TVP23C: variants seen among roughly 807,000 people sequenced by gnomAD.
TVP23C encodes trans-golgi network vesicle protein 23 homolog C.
TVP23C carries 19 observed loss-of-function variants against 28.7 expected under a neutral mutation model. That is an observed-to-expected ratio of 0.66 (90% confidence interval 0.46 to 0.97). TVP23C has a LOEUF of 0.97. TVP23C is among the 50% of genes least tolerant of loss of function. The probability of loss-of-function intolerance (pLI) is 0.00; values close to 1 mark genes in which losing one functional copy is unlikely to be tolerated. For synonymous variants in TVP23C, 68 were observed against 81.7 expected, an observed-to-expected ratio of 0.83 and a Z score of 0.90; for missense variants, 186 against 241.3, an observed-to-expected ratio of 0.77 and a Z score of 1.52.
At chr17:15,520,345 GACATGGTTTCAGATC>G in intron 5 of TVP23C, among the ~76,000 whole-genome samples, 1 of 148,550 alleles carries the variant, frequency 6.7e-6, no homozygotes, top group East Asian at 1.9e-4. Context: ...TTTTCCAGAT[GACATGGTTTCAGATC>G]ACCTAACGTC....
intron 5 of TVP23C, among the ~76,000 whole-genome samples, chr17:15,504,068 C>T (rs1981613560): frequency 6.6e-6 from 1 of 152,172 alleles, no homozygotes; most frequent in African/African-American, 2.4e-5. Flanking sequence ...CAGCCCTATC[C>T]CCACATTTTC....
exon 6 of TVP23C, chr17:15,502,819 TC>T: frequency 6.6e-7 from 1 of 1,515,462 alleles, no homozygotes; most frequent in East Asian, 2.3e-5. Flanking sequence ...CCTCTCTCTC[TC>T]TCTCTCTCTC....
In TVP23C at chr17:15,539,801, T is replaced by A; in HGVS notation, c.*611A>T. 1.0e-6 allele frequency: 1 copy of A among 983,144 alleles called. No individual in the cohort carries two copies. The highest frequency in any genetic ancestry group is 1.2e-6 in the Non-Finnish European group (1 of 828,592). 60.9% of individuals were successfully genotyped at this position (983,144 alleles called of 1,614,324 possible). On this transcript the variant is annotated 3_prime_UTR_variant, in exon 6 of 6. Coordinates refer to ENST00000518321, the MANE Select transcript of TVP23C (RefSeq NM_001135036.2). ...GATTCAACTGTTCTCCCTAAAACCA[T>A]ACAACATACAGGCTGGGCACGGTGG... is the stretch of plus-strand genomic sequence containing the variant.
At position 15,563,435 on chromosome 17, in the gene TVP23C, A is replaced by G. The variant is rs1215744176; in HGVS notation, c.12+2T>C. On this transcript the variant is annotated splice_donor_variant, in intron 1 of 5. Transcript: ENST00000518321. LOFTEE classifies it high-confidence loss of function. Reference sequence around the variant, plus strand: ...CCTCCCAGCGCGCCCTCAGCCCCTCACCTGCTGCAACATGGCGGCCCTACG... The same window carrying G: ...CCTCCCAGCGCGCCCTCAGCCCCTCGCCTGCTGCAACATGGCGGCCCTACG... The G allele has an allele frequency of 4.4e-6, 7 of 1,592,726 alleles. No individual in the cohort carries two copies. Among genetic ancestry groups the G allele is most frequent in the Non-Finnish European group, 6.0e-6 (7 of 1,171,564 alleles).
intron 1 of TVP23C, among the ~76,000 whole-genome samples, chr17:15,560,542 A>G (rs1332718140): frequency 6.7e-6 from 1 of 149,350 alleles, no homozygotes; most frequent in African/African-American, 2.4e-5. Flanking sequence ...GTGAAAGAGC[A>G]TGTGGTGTCA....
chr17:15,523,204 T>C (rs1231907232), intron 5 of TVP23C, among the ~76,000 whole-genome samples: 1 of 151,414 alleles, frequency 6.6e-6, no homozygotes, highest in Admixed American at 6.6e-5. Context: ...GGGGTTTCAC[T>C]GTGTTGCCCA....
At chr17:15,502,815 T>TCC (rs531420210) in exon 6 of TVP23C, 1 of 933,480 alleles carries the variant, frequency 1.1e-6, no homozygotes, top group Non-Finnish European at 1.5e-6. Context: ...CTCTCCTCTC[T>TCC]CTCTCTCTCT....
At chr17:15,534,578 TACACAC>T (rs370038704), downstream of TVP23C, among the ~76,000 whole-genome samples, 4,080 of 125,220 alleles carry the variant, frequency 0.033, 72 homozygotes, top group Non-Finnish European at 0.047. Flanking sequence ...CCATCACTTC[TACACAC>T]ACACACACAC....
intron 5 of TVP23C, among the ~76,000 whole-genome samples, chr17:15,520,193 T>C (rs1289491115): frequency 6.6e-6 from 1 of 151,200 alleles, no homozygotes; most frequent in Non-Finnish European, 1.5e-5. Flanking sequence ...CATCCAGCTG[T>C]CCTAAACTCT....
At chr17:15,554,488 C>T (rs1232103448) in intron 2 of TVP23C, among the ~76,000 whole-genome samples, 5 of 152,186 alleles carry the variant, frequency 3.3e-5, no homozygotes, top group African/African-American at 7.2e-5. Context: ...CCACCTGCCT[C>T]GGCCTCCCAA....
At chr17:15,533,488 T>C (rs1023532824), downstream of TVP23C, among the ~76,000 whole-genome samples, 1 of 152,208 alleles carries the variant, frequency 6.6e-6, no homozygotes, top group African/African-American at 2.4e-5. Flanking sequence ...CTCACTTAAC[T>C]GGTAATTGCA....
chr17:15,521,355 T>C (rs1339342083), intron 5 of TVP23C, among the ~76,000 whole-genome samples: 1 of 151,972 alleles, frequency 6.6e-6, no homozygotes, highest in East Asian at 1.9e-4. Context: ...TACAAAAAAA[T>C]TGGCCAGGCG....
At chr17:15,531,711 T>C (rs998212679) in intron 5 of TVP23C, among the ~76,000 whole-genome samples, 1 of 152,184 alleles carries the variant, frequency 6.6e-6, no homozygotes, top group Non-Finnish European at 1.5e-5. Flanking sequence ...TATTTAAAGG[T>C]TGACAAACTT....
At position 15,555,312 on chromosome 17, in the gene TVP23C, G is replaced by A. The variant is rs757211321; in HGVS notation, c.65C>T (p.Thr22Met). The A allele has an allele frequency of 1.2e-5, 20 of 1,613,746 alleles. No homozygotes were observed. Among genetic ancestry groups the A allele is most frequent in the Middle Eastern group, 1.6e-4 (1 of 6,078 alleles). ...DVSLFDAEEE[T>M]TNRPRKAKIR... Reference sequence around the variant, plus strand: ...TTTGGCTTTTCTTGGTCTATTAGTCGTCTCCTCTTCCGCATCAAACAGTGA... The same window carrying A: ...TTTGGCTTTTCTTGGTCTATTAGTCATCTCCTCTTCCGCATCAAACAGTGA... Residue 22 changes from threonine to methionine, a missense_variant, in exon 2 of 6, where the codon ACG becomes ATG. Coordinates refer to ENST00000518321, the MANE Select transcript of TVP23C (RefSeq NM_001135036.2).
intron 5 of TVP23C, among the ~76,000 whole-genome samples, chr17:15,506,014 C>T (rs893652527): frequency 6.6e-6 from 1 of 152,248 alleles, no homozygotes; most frequent in Non-Finnish European, 1.5e-5. Flanking sequence ...CCCCGACGAG[C>T]GCCACCCCCT....
intron 5 of TVP23C, among the ~76,000 whole-genome samples, chr17:15,543,882 A>T (rs181574200): frequency 6.6e-6 from 1 of 151,976 alleles, no homozygotes; most frequent in African/African-American, 2.4e-5. Flanking sequence ...AATAAAAATG[A>T]TCCAACATAA....
intron 1 of TVP23C, among the ~76,000 whole-genome samples, chr17:15,558,036 T>C (rs982231186): frequency 1.3e-5 from 2 of 149,476 alleles, no homozygotes; most frequent in South Asian, 2.2e-4. Flanking sequence ...AGAATGCTCT[T>C]TTTCTTAAAA....
At chr17:15,553,445 A>G (rs1341636498) in intron 3 of TVP23C, among the ~76,000 whole-genome samples, 2 of 151,538 alleles carry the variant, frequency 1.3e-5, no homozygotes, top group African/African-American at 2.4e-5. Context: ...AAGCTGATGT[A>G]GGTTAGAATA....
intron 5 of TVP23C, among the ~76,000 whole-genome samples, chr17:15,527,961 T>C (rs1982795505): frequency 6.6e-6 from 1 of 152,238 alleles, no homozygotes; most frequent in Admixed American, 6.5e-5. Flanking sequence ...ACAAAAGCAT[T>C]CAGTAAGGAT....
Sources: gnomAD v4.1 joint callset for allele counts (sites outside exome capture counted in the v4.1 genomes callset) on GRCh38, gnomAD v4.1.1 for gene constraint, MANE v1.5 for transcripts, NCBI Gene and HGNC (gene_info 2026-07-23, HGNC 2026-07-21) for gene names.